Variants in JPH4 observed in about 807,000 individuals in gnomAD.
The protein encoded by JPH4 is junctophilin 4.
JPH4 carries 18 observed loss-of-function variants against 57.6 expected under a neutral mutation model. The observed-to-expected ratio is 0.31, with a 90% CI of 0.22 to 0.46. The LOEUF is 0.46. Ranked by LOEUF, JPH4 falls within the 20% of genes least tolerant of loss-of-function variation. JPH4 has a pLI of 1.00. For synonymous variants in JPH4, 425 were observed against 406.6 expected (o/e 1.05, Z -0.54); for missense variants, 727 against 911.1 (o/e 0.80, Z 2.60).
chr14:23,577,477 C>T lies in JPH4; in HGVS notation c.-24G>A, dbSNP rs1595396747. On this transcript the variant is annotated 5_prime_UTR_variant, in exon 2 of 6. Transcript: ENST00000356300. This position sits in a 1 kb window ranked among gnomAD's most constrained non-coding sequence, Gnocchi z 8.4. ...ATGCATGTAGTTGGCGCGGCCTCAG[C>T]CCCCCGGCGGCTCAGCGCATCCTGG... is the stretch of plus-strand genomic sequence containing the variant. The T allele has an allele frequency of 7.2e-7, 1 of 1,391,924 alleles. No homozygotes were observed. Among genetic ancestry groups the T allele is most frequent in the Non-Finnish European group, 9.3e-7 (1 of 1,076,904 alleles). 86.2% of individuals were successfully genotyped at this position (1,391,924 alleles called of 1,614,324 possible).
Position 23,575,300 on chromosome 14 carries a change from G to T in JPH4, c.1151+385C>A, listed in dbSNP as rs561872791. On this transcript the variant is annotated intron_variant, in intron 3 of 5. Transcript: ENST00000356300. This position sits in a 1 kb window ranked among gnomAD's most constrained non-coding sequence, Gnocchi z 6.9. Reference sequence around the variant, plus strand: ...GCTCCCAGCCTGAGGCCTGGAGGCTGGATCAGCTGCAAGAGGAGGAAGACT... The same window carrying T: ...GCTCCCAGCCTGAGGCCTGGAGGCTTGATCAGCTGCAAGAGGAGGAAGACT... 7.1e-6 allele frequency: 2 copies of T among 281,840 alleles called. No homozygotes were observed. Among genetic ancestry groups the T allele is most frequent in the Admixed American group, 4.7e-5 (1 of 21,300 alleles). 17.5% of individuals were successfully genotyped at this position (281,840 alleles called of 1,614,324 possible). A position where few individuals can be genotyped will look rare whatever the true frequency, so the allele number is the denominator to read the frequency against.
Position 23,569,093 on chromosome 14 carries a change from C to T in JPH4, c.*541G>A. 6.1e-6 allele frequency: 1 copy of T among 164,300 alleles called. No individual in the cohort carries two copies. Among genetic ancestry groups the T allele is most frequent in the Non-Finnish European group, 1.3e-5 (1 of 74,808 alleles). 10.2% of individuals were successfully genotyped at this position (164,300 alleles called of 1,614,324 possible). A position where few individuals can be genotyped will look rare whatever the true frequency, so the allele number is the denominator to read the frequency against. On this transcript the variant is annotated 3_prime_UTR_variant, in exon 6 of 6. Coordinates refer to ENST00000356300, the MANE Select transcript of JPH4 (RefSeq NM_001146028.2). The surrounding 1 kb of genome is among the most constrained non-coding windows in gnomAD (Gnocchi z 4.8). ...TCCAAGATTAGAGGTGGAGGATGCA[C>T]CTCCTGCAGCTTTTTCACTAGGCCT... is the stretch of plus-strand genomic sequence containing the variant.
chr14:23,572,001 C>T, intron 3 of JPH4, 81 bp from the exon 4 acceptor site: 2 of 1,221,792 alleles, frequency 1.6e-6, no homozygotes, highest in African/African-American at 1.5e-5. Flanking sequence ...AGCCCCCTAG[C>T]CCCTGTCCCC....
intron 5 of JPH4, among the ~76,000 whole-genome samples, chr14:23,570,268 G>T (rs1433801840): frequency 7.3e-6 from 1 of 136,478 alleles, no homozygotes; most frequent in Non-Finnish European, 1.6e-5. Flanking sequence ...GGTGGGGGTG[G>T]AGTAGGAAAC....
In JPH4 at chr14:23,577,294, T is replaced by C. The variant is rs1392467435; in HGVS notation, c.160A>G (p.Thr54Ala). 5.9e-6 allele frequency: 9 copies of C among 1,537,332 alleles called. No homozygotes were observed. In the African/African-American group the frequency reaches 1.2e-4, roughly 21 times the overall value. The stretch of plus-strand genomic sequence containing the variant: ...TGGTAGCTGTGTCCGCCGGGCCCCG[T>C]GAAGACGCCCAGTGACTCGAAGCCG... The part of the protein sequence containing the change: ...AHGFESLGVF[T>A]GPGGHSYQGH... The change falls in exon 2 of 6, where the codon ACG (threonine) becomes GCG (alanine). Residue 54 changes from threonine (T) to alanine (A), a missense_variant. Physicochemically the swap from Thr to Ala is moderately conservative, Grantham distance 58. Around this residue, in one of 7 missense-constraint regions of JPH4, gnomAD observed 83 missense variants for 135.4 expected, o/e 0.61. Coordinates refer to ENST00000356300, the MANE Select transcript of JPH4 (RefSeq NM_001146028.2). The surrounding 1 kb of genome is among the most constrained non-coding windows in gnomAD (Gnocchi z 8.4).
rs1889229208 is a variant in JPH4, at chr14:23,574,552, A to G, written c.1151+1133T>C. 3.3e-5 allele frequency among the ~76,000 whole-genome samples: 5 copies of G among 152,198 alleles called. No individual in the cohort carries two copies. The South Asian group carries it at 1.0e-3, about 32-fold the overall frequency. Reference sequence around the variant, plus strand: ...AGCATTTGAAACGTGTCTAGTCTGAATGGAAATGATGTGATTTAAGTGTAA... The same window carrying G: ...AGCATTTGAAACGTGTCTAGTCTGAGTGGAAATGATGTGATTTAAGTGTAA... On this transcript the variant is annotated intron_variant, in intron 3 of 5. Coordinates refer to ENST00000356300, the MANE Select transcript of JPH4 (RefSeq NM_001146028.2).
rs1212692079 is a variant in JPH4, at chr14:23,568,503, C to T, written c.*1131G>A. 8 of 985,782 alleles carry T rather than the reference C, an allele frequency of 8.1e-6. No homozygotes were observed. Among genetic ancestry groups the T allele is most frequent in the Non-Finnish European group, 9.6e-6 (8 of 829,974 alleles). The allele number at this position is 985,782 out of a possible 1,614,324, so 61.1% of individuals were successfully genotyped here. ...CTGCCTGGGAAGCATGTGAGATCAG[C>T]TATCTTTGATCCCCTCCTTCTGTTG... is the stretch of plus-strand genomic sequence containing the variant. On this transcript the variant is annotated 3_prime_UTR_variant, in exon 6 of 6. Coordinates refer to ENST00000356300, the MANE Select transcript of JPH4 (RefSeq NM_001146028.2).
Position 23,570,777 on chromosome 14 carries a change from T to C in JPH4, c.1803+151A>G, listed in dbSNP as rs922111802. On this transcript the variant is annotated intron_variant, in intron 5 of 5. Transcript: ENST00000356300. The stretch of plus-strand genomic sequence containing the variant: ...GGTTCCTTCCAGCTCGAACGCCCTC[T>C]ATTTTTTTGAGGTGGGATGTGGTCC... 5 of 716,108 alleles carry C rather than the reference T, an allele frequency of 7.0e-6. No homozygotes were observed. In the African/African-American group the frequency reaches 7.3e-5, roughly 10 times the overall value. The allele number at this position is 716,108 out of a possible 1,614,324, so 44.4% of individuals were successfully genotyped here.
At chr14:23,570,429 T>C (rs927274268) in intron 5 of JPH4, among the ~76,000 whole-genome samples, 1 of 146,468 alleles carries the variant, frequency 6.8e-6, no homozygotes, top group African/African-American at 2.6e-5. Flanking sequence ...TAGAGTGCAG[T>C]GGCGCGATCT....
In JPH4 at chr14:23,576,930, A is replaced by G. The variant is rs1889287714; in HGVS notation, c.379+145T>C. 2 of 964,338 alleles carry G rather than the reference A, an allele frequency of 2.1e-6. No individual in the cohort carries two copies. The highest frequency in any genetic ancestry group is 2.9e-6 in the Non-Finnish European group (2 of 692,126). The allele number at this position is 964,338 out of a possible 1,614,324, so 59.7% of individuals were successfully genotyped here. A position where few individuals can be genotyped will look rare whatever the true frequency, so the allele number is the denominator to read the frequency against. ...ATAATCATGGTGGGAGAGAGCAGAA[A>G]TTGGGGGCTGGGGGTCACATCGATG... On this transcript the variant is annotated intron_variant, in intron 2 of 5. Coordinates refer to ENST00000356300, the MANE Select transcript of JPH4 (RefSeq NM_001146028.2). This position sits in a 1 kb window ranked among gnomAD's most constrained non-coding sequence, Gnocchi z 8.0.
chr14:23,575,987 C>T lies in JPH4; in HGVS notation c.849G>A (p.Ala283=). 1.3e-6 allele frequency: 2 copies of T among 1,500,272 alleles called. 1 individual carries two copies. The highest frequency in any genetic ancestry group is 2.6e-5 in the South Asian group (2 of 76,322). The allele number at this position is 1,500,272 out of a possible 1,614,324, so 92.9% of individuals were successfully genotyped here. Residue 283 remains alanine (A), a synonymous_variant, in exon 3 of 6, where the codon GCG becomes GCA. Transcript: ENST00000356300. The surrounding 1 kb of genome is among the most constrained non-coding windows in gnomAD (Gnocchi z 6.9). The stretch of plus-strand genomic sequence containing the variant: ...TGCGCCGATCTGCGCGCCACTCGCC[C>T]GCGTACACCTCTGTGGCCGAGCCCT... The part of the protein sequence containing the change: ...LIEGSATEVY[A]GEWRADRRSG...
intron 5 of JPH4, among the ~76,000 whole-genome samples, chr14:23,570,387 T>C (rs1483502646): frequency 6.8e-6 from 1 of 147,546 alleles, no homozygotes; most frequent in Non-Finnish European, 1.5e-5. Flanking sequence ...TTTTTTTTTT[T>C]TTGAGACAGA....
Position 23,577,840 on chromosome 14 carries a change from AC to A in JPH4, c.-171-217del, listed in dbSNP as rs1022280632. ...GCCCCTCCCAGGACTTGGGGCCCCA[AC>A]CCCAAGCGGGAGTCCCAATTCTCCA... On this transcript the variant is annotated intron_variant, in intron 1 of 5. Transcript: ENST00000356300. This position sits in a 1 kb window ranked among gnomAD's most constrained non-coding sequence, Gnocchi z 8.4. 8 of 165,270 alleles carry A rather than the reference AC, an allele frequency of 4.8e-5. No homozygotes were observed. Among genetic ancestry groups the A allele is most frequent in the African/African-American group, 1.9e-4 (8 of 41,874 alleles). 10.2% of individuals were successfully genotyped at this position (165,270 alleles called of 1,614,324 possible). A position where few individuals can be genotyped will look rare whatever the true frequency, so the allele number is the denominator to read the frequency against.
In JPH4 at chr14:23,571,583, G is replaced by A. The variant is rs1889148693; in HGVS notation, c.1271-123C>T. On this transcript the variant is annotated intron_variant, in intron 4 of 5. Coordinates refer to ENST00000356300, the MANE Select transcript of JPH4 (RefSeq NM_001146028.2). The surrounding 1 kb of genome is among the most constrained non-coding windows in gnomAD (Gnocchi z 4.6). ...ATTCCCAGGCTCATAGCCTCTCACC[G>A]CCAGACCCCAAACCCCCCATTATCC... 4.8e-6 allele frequency: 6 copies of A among 1,253,832 alleles called. No homozygotes were observed. Among genetic ancestry groups the A allele is most frequent in the South Asian group, 1.4e-5 (1 of 71,298 alleles). 77.7% of individuals were successfully genotyped at this position (1,253,832 alleles called of 1,614,324 possible).
chr14:23,577,673 T>C lies in JPH4; in HGVS notation c.-171-49A>G, dbSNP rs1349575234. ...CAAGTGGCGAGAGAGGCCCCTCCTC[T>C]TTGCCCGCCGCTCCCTGGCCCGGTG... On this transcript the variant is annotated intron_variant, in intron 1 of 5. Coordinates refer to ENST00000356300, the MANE Select transcript of JPH4 (RefSeq NM_001146028.2). This position sits in a 1 kb window ranked among gnomAD's most constrained non-coding sequence, Gnocchi z 8.4. 2.4e-5 allele frequency: 10 copies of C among 409,390 alleles called. No homozygotes were observed. The highest frequency in any genetic ancestry group is 8.6e-6 in the Non-Finnish European group (2 of 232,664). 25.4% of individuals were successfully genotyped at this position (409,390 alleles called of 1,614,324 possible). A position where few individuals can be genotyped will look rare whatever the true frequency, so the allele number is the denominator to read the frequency against.
chr14:23,571,271 C>A lies in JPH4; in HGVS notation c.1460G>T (p.Gly487Val), dbSNP rs977674129. The A allele has an allele frequency of 1.2e-6, 2 of 1,603,568 alleles. No homozygotes were observed. The highest frequency in any genetic ancestry group is 1.7e-6 in the Non-Finnish European group (2 of 1,174,608). ...RSPLPPGGDQ[G>V]PFSSPKAWPE... ...CCAAGCTTTGGGGCTGGAGAAGGGA[C>A]CCTGGTCCCCTCCAGGAGGCAGTGG... Residue 487 changes from glycine (G) to valine (V), a missense_variant, in exon 5 of 6, where the codon GGT becomes GTT. Around this residue, in one of 7 missense-constraint regions of JPH4, gnomAD observed 293 missense variants for 279.8 expected, o/e 1.05. Coordinates refer to ENST00000356300, the MANE Select transcript of JPH4 (RefSeq NM_001146028.2). This position sits in a 1 kb window ranked among gnomAD's most constrained non-coding sequence, Gnocchi z 4.6.
rs1409191106 is a variant in JPH4 at position 23,577,160 on chromosome 14, C to G, written c.294G>C (p.Trp98Cys). The change falls in exon 2 of 6, where the codon TGG (tryptophan) becomes TGC (cysteine). Residue 98 changes from tryptophan to cysteine, a missense_variant. Coordinates refer to ENST00000356300, the MANE Select transcript of JPH4 (RefSeq NM_001146028.2). This position sits in a 1 kb window ranked among gnomAD's most constrained non-coding sequence, Gnocchi z 8.4. ...CGTAGCGCAGGCCGGACACGCTTTC[C>G]CACACGCCGCTGCGCCCCTTCAGCC... ...LGGLKGRSGVWESVSGLRYAG... is the reference protein window; with the variant it reads ...LGGLKGRSGVCESVSGLRYAG... The G allele has an allele frequency of 2.0e-6, 3 of 1,537,356 alleles. No homozygotes were observed. Among genetic ancestry groups the G allele is most frequent in the Non-Finnish European group, 2.6e-6 (3 of 1,147,830 alleles).
chr14:23,568,653 A>G lies in JPH4; in HGVS notation c.*981T>C. 1.0e-6 allele frequency: 1 copy of G among 985,932 alleles called. No homozygotes were observed. Among genetic ancestry groups the G allele is most frequent in the Non-Finnish European group, 1.2e-6 (1 of 829,988 alleles). The allele number at this position is 985,932 out of a possible 1,614,324, so 61.1% of individuals were successfully genotyped here. A position where few individuals can be genotyped will look rare whatever the true frequency, so the allele number is the denominator to read the frequency against. On this transcript the variant is annotated 3_prime_UTR_variant, in exon 6 of 6. Transcript: ENST00000356300. ...GTTATCTTGTCTGGTCCTATCCCCC[A>G]GAAGTGCCTCCTCCCACCACAACTC...
chr14:23,570,939 G>C lies in JPH4; in HGVS notation c.1792C>G (p.Pro598Ala), dbSNP rs1469231793. 5 of 1,512,966 alleles carry C rather than the reference G, an allele frequency of 3.3e-6. No individual in the cohort carries two copies. The Middle Eastern group carries it at 7.2e-4, about 217-fold the overall frequency. 93.7% of individuals were successfully genotyped at this position (1,512,966 alleles called of 1,614,324 possible). ...ELGEPAATER[P>A]AQPGAANPLV... ...ACAGAGGATCTCACCGGCTGGGCAG[G>C]CCTCTCGGTTGCAGCGGGCTCCCCG... The change falls in exon 5 of 6, where the codon CCT (proline) becomes GCT (alanine). Residue 598 changes from proline to alanine, a missense_variant. Physicochemically the swap from Pro to Ala is conservative, Grantham distance 27 (BLOSUM62 -1). Coordinates refer to ENST00000356300, the MANE Select transcript of JPH4 (RefSeq NM_001146028.2).
Sources: allele counts gnomAD v4.1 joint callset (sites outside exome capture counted in the v4.1 genomes callset), GRCh38; gene constraint gnomAD v4.1.1; regional missense constraint gnomAD v4.1.1; non-coding constraint Gnocchi (gnomAD v3.1); transcripts MANE v1.5; gene names NCBI Gene and HGNC (gene_info 2026-07-23, HGNC 2026-07-21).